The following MAPK10 variants were observed in gnomAD, a reference collection of about 807,000 sequenced individuals.
The protein encoded by MAPK10 is mitogen-activated protein kinase 10, also known as JNK3 alpha protein kinase.
In MAPK10, 25 loss-of-function variants were observed where a neutral mutation model predicts 59.3. That is an observed-to-expected ratio of 0.42 (90% confidence interval 0.31 to 0.59). The LOEUF (loss-of-function observed/expected upper bound fraction) is 0.59, where lower values mean the gene tolerates loss of function less well. MAPK10 is among the 20% of genes least tolerant of loss of function. The pLI is 0.15. For synonymous variants in MAPK10, 190 were observed against 200.5 expected (o/e 0.95, Z 0.44); for missense variants, 351 against 568.9 (o/e 0.62, Z 3.90).
chr4:86,506,338 T>C lies in MAPK10; in HGVS notation c.-263+87572A>G, dbSNP rs573552361. Among the ~76,000 whole-genome samples the C allele has an allele frequency of 3.9e-5, 6 of 152,228 alleles. No homozygotes were observed. In the South Asian group the frequency reaches 1.0e-3, roughly 26 times the overall value. On this transcript the variant is annotated intron_variant, in intron 1 of 4. Coordinates refer to the MAPK10 transcript ENST00000502302. ...TTTCTGAATCTAATGGTCAAAAATA[T>C]GGGTTTTGAAAGTCAGAGGGTCTTG... is the stretch of plus-strand genomic sequence containing the variant.
chr4:86,105,476 A>G (rs1488412305), intron 5 of MAPK10, among the ~76,000 whole-genome samples: 1 of 152,094 alleles, frequency 6.6e-6, no homozygotes, highest in Non-Finnish European at 1.5e-5. Context: ...TATTCTCTCA[A>G]ACTGACCAAG....
At chr4:86,480,317 GA>G (rs376797106) in intron 1 of MAPK10, among the ~76,000 whole-genome samples, 117 of 138,598 alleles carry the variant, frequency 8.4e-4, no homozygotes, top group Non-Finnish European at 1.5e-3. Flanking sequence ...AGCACCCTGT[GA>G]CCCCCCCACT....
At chr4:86,462,020 C>G (rs1468044016) in intron 1 of MAPK10, among the ~76,000 whole-genome samples, 2 of 152,226 alleles carry the variant, frequency 1.3e-5, no homozygotes, top group Admixed American at 1.3e-4. Flanking sequence ...TCCTGGGCCC[C>G]GTTCCAAACT....
chr4:86,121,441 C>T (rs1339036970), intron 4 of MAPK10, among the ~76,000 whole-genome samples: 1 of 152,118 alleles, frequency 6.6e-6, no homozygotes, highest in Non-Finnish European at 1.5e-5. Context: ...AACAATATCA[C>T]ATTGGAGATT....
At chr4:86,147,869 G>A (rs914706638) in intron 4 of MAPK10, among the ~76,000 whole-genome samples, 6 of 152,154 alleles carry the variant, frequency 3.9e-5, no homozygotes, top group Non-Finnish European at 5.9e-5. Context: ...GCATACAACA[G>A]TATCTAATTC....
At chr4:86,377,376 G>A (rs1739980030) in intron 1 of MAPK10, among the ~76,000 whole-genome samples, 1 of 152,188 alleles carries the variant, frequency 6.6e-6, no homozygotes, top group Non-Finnish European at 1.5e-5. Context: ...CTGCAGAGAA[G>A]CTGACCTGGC....
chr4:86,534,880 TG>T (rs1758114962), intron 1 of MAPK10, among the ~76,000 whole-genome samples: 1 of 152,058 alleles, frequency 6.6e-6, no homozygotes, highest in Non-Finnish European at 1.5e-5. Flanking sequence ...CACTCCAGCC[TG>T]GGTGGCAGAG....
intron 3 of MAPK10, among the ~76,000 whole-genome samples, chr4:86,178,697 A>G (rs934252706): frequency 3.9e-5 from 6 of 152,200 alleles, no homozygotes; most frequent in Non-Finnish European, 5.9e-5. Flanking sequence ...ATTAGACATT[A>G]GAAATAAGTA....
chr4:86,313,829 T>A (rs953521531), intron 2 of MAPK10, among the ~76,000 whole-genome samples: 2 of 152,030 alleles, frequency 1.3e-5, no homozygotes, highest in East Asian at 3.9e-4. Flanking sequence ...CATACAGGGA[T>A]CCAATGATCT....
At chr4:86,138,688 C>A (rs1488096137) in intron 4 of MAPK10, among the ~76,000 whole-genome samples, 24 of 150,810 alleles carry the variant, frequency 1.6e-4, no homozygotes, top group Admixed American at 1.3e-4. Flanking sequence ...CTGGCCAGGG[C>A]AATTAGGCAG....
intron 1 of MAPK10, among the ~76,000 whole-genome samples, chr4:86,390,845 T>C (rs1554257031): frequency 6.6e-6 from 1 of 152,172 alleles, no homozygotes; most frequent in Non-Finnish European, 1.5e-5. Flanking sequence ...CCCAAAGCAA[T>C]ATATTTGCTC....
At chr4:86,202,100 G>A (rs903195669) in intron 2 of MAPK10, among the ~76,000 whole-genome samples, 1 of 151,672 alleles carries the variant, frequency 6.6e-6, no homozygotes, top group East Asian at 1.9e-4. Flanking sequence ...AGTACAAAGG[G>A]GTATAGTTCT....
intron 1 of MAPK10, among the ~76,000 whole-genome samples, chr4:86,571,429 A>C (rs1409088659): frequency 6.6e-6 from 1 of 151,764 alleles, no homozygotes; most frequent in East Asian, 1.9e-4. Flanking sequence ...CATCACAAAA[A>C]TGATGGCAGG....
At chr4:86,050,669 A>G (rs759166893) in intron 11 of MAPK10, among the ~76,000 whole-genome samples, 1 of 152,136 alleles carries the variant, frequency 6.6e-6, no homozygotes, top group Non-Finnish European at 1.5e-5. Context: ...GGAGCTATTC[A>G]TTACTTAAGA....
At chr4:86,413,752 C>T (rs1304561211) in intron 1 of MAPK10, among the ~76,000 whole-genome samples, 3 of 152,194 alleles carry the variant, frequency 2.0e-5, no homozygotes, top group African/African-American at 7.2e-5. Flanking sequence ...CCTGGTCCGC[C>T]AGTCACTAAG....
rs940199040 is a variant in MAPK10 at position 86,507,651 on chromosome 4, T to C, written c.-263+86259A>G. ...ATATATATATATATATATATATATA[T>C]ATATATATATATATATATATAAAAT... On this transcript the variant is annotated intron_variant, in intron 1 of 4. Transcript: ENST00000502302. 2.5e-3 allele frequency among the ~76,000 whole-genome samples: 222 copies of C among 89,072 alleles called. 1 individual carries two copies. Among genetic ancestry groups the C allele is most frequent in the Middle Eastern group, 5.3e-3 (1 of 188 alleles). 58.4% of individuals were successfully genotyped at this position (89,072 alleles called of 152,430 possible).
intron 1 of MAPK10, among the ~76,000 whole-genome samples, chr4:86,504,729 T>C (rs539949141): frequency 2.1e-3 from 318 of 152,278 alleles, no homozygotes; most frequent in Non-Finnish European, 3.1e-3. Flanking sequence ...CCAATTGATT[T>C]ACTGTTTCAA....
chr4:86,540,559 C>T (rs72665742), intron 1 of MAPK10, among the ~76,000 whole-genome samples: 12 of 152,174 alleles, frequency 7.9e-5, no homozygotes, highest in East Asian at 1.9e-4. Context: ...TTAATAAAAA[C>T]GAACATGATT....
At chr4:86,271,223 A>T in intron 2 of MAPK10, among the ~76,000 whole-genome samples, 1 of 151,932 alleles carries the variant, frequency 6.6e-6, no homozygotes, top group East Asian at 1.9e-4. Flanking sequence ...AGTGTGTGTG[A>T]TATGGTATTT....
Sources: gnomAD v4.1 joint callset for allele counts (sites outside exome capture counted in the v4.1 genomes callset) on GRCh38, gnomAD v4.1.1 for gene constraint, MANE v1.5 for transcripts, NCBI Gene and HGNC (gene_info 2026-07-23, HGNC 2026-07-21) for gene names.